The following SLC39A6 variants were observed in gnomAD, a reference collection of about 807,000 sequenced individuals.
The protein encoded by SLC39A6 is solute carrier family 39 member 6.
Under a neutral mutation model 63.5 loss-of-function variants are expected in SLC39A6, and 51 were observed. That is an observed-to-expected ratio of 0.80 (90% CI 0.64 to 1.01). The LOEUF is 1.01. Among genes scored for constraint, SLC39A6 ranks in the 50% least tolerant of loss-of-function variants. The pLI is 0.00. For synonymous variants in SLC39A6, 318 were observed against 324.7 expected (o/e 0.98, Z 0.22); for missense variants, 805 against 927.8 (o/e 0.87, Z 1.72).
chr18:36,124,689 T>A lies in SLC39A6; in HGVS notation c.801A>T (p.Ala267=). ...TGCCATGAGATGTCAGTAGCTTTGATGCATTGAAACACTGAAAGAAACAAA... is the reference window on the plus strand; with the variant it reads ...TGCCATGAGATGTCAGTAGCTTTGAAGCATTGAAACACTGAAAGAAACAAA... ...TNENPQECFN[A]SKLLTSHGMG... is the part of the protein sequence containing the mutation. The change falls in exon 3 of 10, where the codon GCA becomes GCT. Residue 267 remains alanine, a synonymous_variant. Transcript: ENST00000269187. The A allele has an allele frequency of 6.5e-7, 1 of 1,546,812 alleles. No individual in the cohort carries two copies.
chr18:36,122,755 A>G lies in SLC39A6; in HGVS notation c.1141-485T>C, dbSNP rs139236673. On this transcript the variant is annotated intron_variant, in intron 4 of 9. Coordinates refer to ENST00000269187, the MANE Select transcript of SLC39A6 (RefSeq NM_012319.4). ...TAACTACTGCTATTGCACATTAGGGAATCGGGTGTGGAACACACTAAGATA... is the reference window on the plus strand; with the variant it reads ...TAACTACTGCTATTGCACATTAGGGGATCGGGTGTGGAACACACTAAGATA... Among the ~76,000 whole-genome samples, 3 of 152,358 alleles carry G rather than the reference A, an allele frequency of 2.0e-5. No homozygotes were observed. The East Asian group carries it at 5.8e-4, about 29-fold the overall frequency.
chr18:36,127,234 C>T (rs941475377), intron 1 of SLC39A6, among the ~76,000 whole-genome samples: 2 of 152,184 alleles, frequency 1.3e-5, no homozygotes, highest in African/African-American at 4.8e-5. Context: ...TGGAGAAGAG[C>T]TGAGTGCTAA....
chr18:36,115,588 G>C (rs983567141), intron 6 of SLC39A6, among the ~76,000 whole-genome samples: 2 of 152,142 alleles, frequency 1.3e-5, no homozygotes, highest in Non-Finnish European at 2.9e-5. Flanking sequence ...CCTGATTTGA[G>C]ACCTGCACAA....
Position 36,126,729 on chromosome 18 carries a change from G to GTGTA in SLC39A6, c.275_278dup (p.His94ThrfsTer3). ...GGTCTGAGTGATGGTCGTGGTCATGGTGTATATGGATTCTTTTAATCTTAT... is the reference window on the plus strand; with the variant it reads ...GGTCTGAGTGATGGTCGTGGTCATGGTGTATGTATATGGATTCTTTTAATCTTAT... On this transcript the variant is annotated frameshift_variant, in exon 2 of 10. Coordinates refer to ENST00000269187, the MANE Select transcript of SLC39A6 (RefSeq NM_012319.4). LOFTEE classifies it high-confidence loss of function. 6.2e-7 allele frequency: 1 copy of GTGTA among 1,614,194 alleles called. No homozygotes were observed. The highest frequency in any genetic ancestry group is 8.5e-7 in the Non-Finnish European group (1 of 1,180,016).
Position 36,116,623 on chromosome 18 carries a change from C to T in SLC39A6, c.1465+51G>A, listed in dbSNP as rs768560893. On this transcript the variant is annotated intron_variant, in intron 6 of 9. Transcript: ENST00000269187. ...CCAGATAGTCAAGTTGCCTGCAAAT[C>T]ATACAGCAATGAACTCCCTCCAGCC... 3 of 1,277,836 alleles carry T rather than the reference C, an allele frequency of 2.3e-6. No homozygotes were observed. The African/African-American group carries it at 4.4e-5, about 19-fold the overall frequency. The allele number at this position is 1,277,836 out of a possible 1,614,324, so 79.2% of individuals were successfully genotyped here.
chr18:36,116,932 G>T (rs2089350413), intron 5 of SLC39A6, among the ~76,000 whole-genome samples, 153 bp from the exon 6 acceptor site: 1 of 152,152 alleles, frequency 6.6e-6, no homozygotes, highest in African/African-American at 2.4e-5. Context: ...TATCTCCTGG[G>T]AACTTGTCAG....
At chr18:36,121,511 T>A (rs1485110343) in intron 5 of SLC39A6, among the ~76,000 whole-genome samples, 1 of 152,144 alleles carries the variant, frequency 6.6e-6, no homozygotes, top group African/African-American at 2.4e-5. Context: ...CCTGATCACA[T>A]CAAATAAAAA....
intron 5 of SLC39A6, among the ~76,000 whole-genome samples, chr18:36,118,436 A>G (rs996793408): frequency 2.0e-5 from 3 of 152,246 alleles, no homozygotes; most frequent in Non-Finnish European, 4.4e-5. Context: ...CATGACCTCA[A>G]TAATTTCCAG....
chr18:36,122,029 G>A, intron 5 of SLC39A6, 23 bp downstream of exon 5: 4 of 1,501,358 alleles, frequency 2.7e-6, no homozygotes, highest in Non-Finnish European at 2.8e-6. Context: ...AGCATAGTAA[G>A]TACTCGGTAT....
At chr18:36,114,624 G>C in intron 6 of SLC39A6, 150 bp from the exon 7 acceptor site, 1 of 560,972 alleles carries the variant, frequency 1.8e-6, no homozygotes, top group Non-Finnish European at 3.1e-6. Context: ...AAGTATTACT[G>C]ATGAAAAACA....
At position 36,108,952 on chromosome 18, in the gene SLC39A6, A is replaced by G. The variant is rs1414147032; in HGVS notation, c.*641T>C. 1 of 152,228 alleles carries G rather than the reference A, an allele frequency of 6.6e-6. No individual in the cohort carries two copies. Among genetic ancestry groups the G allele is most frequent in the East Asian group, 1.9e-4 (1 of 5,198 alleles). 9.4% of individuals were successfully genotyped at this position (152,228 alleles called of 1,614,324 possible). A position where few individuals can be genotyped will look rare whatever the true frequency, so the allele number is the denominator to read the frequency against. On this transcript the variant is annotated 3_prime_UTR_variant, in exon 10 of 10. Coordinates refer to ENST00000269187, the MANE Select transcript of SLC39A6 (RefSeq NM_012319.4). ...ATATATTTAGATTTCTGTATTATAC[A>G]AAGTTAAATGTACAACTAAATTAGT...
chr18:36,126,916 T>G lies in SLC39A6; in HGVS notation c.92A>C (p.Gln31Pro). ...LHELKAAAFP[Q>P]TTEKISPNWE... The stretch of plus-strand genomic sequence containing the variant: ...ATTCGGACTAATTTTCTCAGTGGTC[T>G]GGGGGAAAGCAGCTGCTTTTAGTTC... The change falls in exon 2 of 10, where the codon CAG becomes CCG. Residue 31 changes from glutamine (Q) to proline (P), a missense_variant. Gln to Pro is a moderately conservative substitution (Grantham distance 76). Around this residue, in one of 4 missense-constraint regions of SLC39A6, gnomAD observed 639 missense variants for 644.0 expected, o/e 0.99. Coordinates refer to ENST00000269187, the MANE Select transcript of SLC39A6 (RefSeq NM_012319.4). 6.2e-7 allele frequency: 1 copy of G among 1,614,178 alleles called. No homozygotes were observed. Among genetic ancestry groups the G allele is most frequent in the Non-Finnish European group, 8.5e-7 (1 of 1,180,020 alleles).
intron 6 of SLC39A6, among the ~76,000 whole-genome samples, chr18:36,116,263 A>C (rs2089344575): frequency 6.6e-6 from 1 of 152,214 alleles, no homozygotes; most frequent in African/African-American, 2.4e-5. Flanking sequence ...TTTAGGAGTA[A>C]AGAAACATCA....
chr18:36,127,717 T>C (rs547274310), intron 1 of SLC39A6, among the ~76,000 whole-genome samples: 1 of 152,106 alleles, frequency 6.6e-6, no homozygotes, highest in South Asian at 2.1e-4. Context: ...TTTGCCAGTG[T>C]ATCCCTCAGG....
Position 36,109,942 on chromosome 18 carries a change from A to G in SLC39A6, c.2116-197T>C, listed in dbSNP as rs1430621031. On this transcript the variant is annotated intron_variant, in intron 9 of 9. Coordinates refer to ENST00000269187, the MANE Select transcript of SLC39A6 (RefSeq NM_012319.4). ...ACACAGCATTTCCTAGCAGTTTAAC[A>G]ATGATTACTCATGATGTTCTGGGCA... is the stretch of plus-strand genomic sequence containing the variant. Among the ~76,000 whole-genome samples the G allele has an allele frequency of 2.6e-5, 4 of 152,198 alleles. No individual in the cohort carries two copies. The East Asian group carries it at 5.8e-4, about 22-fold the overall frequency.
intron 5 of SLC39A6, 36 bp from the exon 6 acceptor site, chr18:36,116,815 TAA>T (rs763976054): frequency 2.9e-5 from 42 of 1,435,508 alleles, no homozygotes; most frequent in Non-Finnish European, 3.8e-5. Context: ...TTTAAAACAG[TAA>T]TTTGTTTATA....
chr18:36,121,227 G>A (rs1467118408), intron 5 of SLC39A6, among the ~76,000 whole-genome samples: 2 of 151,742 alleles, frequency 1.3e-5, no homozygotes, highest in Non-Finnish European at 2.9e-5. Flanking sequence ...TATAATCTCA[G>A]CTCACTGCAG....
intron 3 of SLC39A6, 54 bp downstream of exon 3, chr18:36,124,466 C>T: frequency 5.1e-6 from 6 of 1,168,292 alleles, no homozygotes; most frequent in South Asian, 3.6e-5. Flanking sequence ...TAAGGAAAAG[C>T]ACAATATAAA....
Position 36,114,425 on chromosome 18 carries a change from A to C in SLC39A6, c.1515T>G (p.Asp505Glu). 6.2e-7 allele frequency: 1 copy of C among 1,614,140 alleles called. No homozygotes were observed. The highest frequency in any genetic ancestry group is 8.5e-7 in the Non-Finnish European group (1 of 1,180,028). Residue 505 changes from aspartate to glutamate, a missense_variant, in exon 7 of 10, where the codon GAT becomes GAG. Physicochemically the swap from Asp to Glu is conservative, Grantham distance 45. Around this residue, in one of 4 missense-constraint regions of SLC39A6, gnomAD observed 639 missense variants for 644.0 expected, o/e 0.99. Coordinates refer to ENST00000269187, the MANE Select transcript of SLC39A6 (RefSeq NM_012319.4). ...CTTCCAAGACTGCAGGCTGCTGAGA[A>C]TCAAAGTGGGAGGGCTCTTGTGAGT... is the stretch of plus-strand genomic sequence containing the variant. ...RADSQEPSHF[D>E]SQQPAVLEEE...
Sources: gnomAD v4.1 joint callset for allele counts (sites outside exome capture counted in the v4.1 genomes callset) on GRCh38, gnomAD v4.1.1 for gene constraint, gnomAD v4.1.1 regional missense constraint, MANE v1.5 for transcripts, NCBI Gene and HGNC (gene_info 2026-07-23, HGNC 2026-07-21) for gene names.